The following MADD variants were observed in gnomAD, a reference collection of about 807,000 sequenced individuals.
MADD encodes MAP kinase-activating death domain protein.
MADD carries 109 observed loss-of-function variants against 176.7 expected under a neutral mutation model. That is an observed-to-expected ratio of 0.62 (90% CI 0.53 to 0.72). The LOEUF (loss-of-function observed/expected upper bound fraction) is 0.72. Among genes scored for constraint, MADD ranks in the 30% least tolerant of loss-of-function variants. The probability of loss-of-function intolerance (pLI) is 0.00; values close to 1 mark genes in which losing one functional copy is unlikely to be tolerated. For missense variants in MADD, 1,914 were observed against 2,045.5 expected (o/e 0.94, Z 1.24); for synonymous variants, 771 against 771.3 (o/e 1.00, Z 0.01).
intron 31 of MADD, 54 bp from the exon 36 acceptor site, chr11:47,328,604 C>T (rs1282318821): frequency 4.3e-6 from 7 of 1,612,518 alleles, no homozygotes; most frequent in Non-Finnish European, 5.9e-6. Context: ...GAGCATGGCA[C>T]GATTGCTCTT....
chr11:47,305,075 G>T (rs1049933684), intron 22 of MADD, among the ~76,000 whole-genome samples: 6 of 152,114 alleles, frequency 3.9e-5, no homozygotes, highest in African/African-American at 1.4e-4. Context: ...CAGTGGCAGT[G>T]GTGGTATATG....
At chr11:47,281,355 CTG>C (rs1159537205) in intron 7 of MADD, among the ~76,000 whole-genome samples, 1 of 152,190 alleles carries the variant, frequency 6.6e-6, no homozygotes, top group Non-Finnish European at 1.5e-5. Context: ...ATATTTCAAA[CTG>C]TTTTCTAAAG....
In MADD at chr11:47,325,157, T is replaced by G; in HGVS notation, c.4542+580T>G. 5.4e-6 allele frequency: 1 copy of G among 183,624 alleles called. No individual in the cohort carries two copies. The highest frequency in any genetic ancestry group is 1.1e-5 in the Non-Finnish European group (1 of 87,964). 11.4% of individuals were successfully genotyped at this position (183,624 alleles called of 1,614,324 possible). Reference sequence around the variant, plus strand: ...TCTGTCCCCTGCTCCACAGGCCCCATTCCCTTTCTTTTGATTGGGGAGCAC... The same window carrying G: ...TCTGTCCCCTGCTCCACAGGCCCCAGTCCCTTTCTTTTGATTGGGGAGCAC... On this transcript the variant is annotated intron_variant, in intron 30 of 32. Coordinates refer to ENST00000402192, the Ensembl canonical transcript of MADD. This position sits in a 1 kb window ranked among gnomAD's most constrained non-coding sequence, Gnocchi z 4.5.
chr11:47,295,292 G>A (rs575902362), intron 20 of MADD, among the ~76,000 whole-genome samples: 23 of 152,240 alleles, frequency 1.5e-4, no homozygotes, highest in African/African-American at 4.1e-4. Context: ...GACTACAGGC[G>A]TGAGCCACTG....
intron 32 of MADD, 22 bp from the exon 37 acceptor site, chr11:47,329,024 C>T (rs533851427): frequency 1.8e-5 from 29 of 1,571,256 alleles, no homozygotes; most frequent in African/African-American, 5.4e-5. Context: ...TATCGTGATC[C>T]GCCTGGTTTT....
chr11:47,315,615 C>T (rs2092587222), intron 27 of MADD, among the ~76,000 whole-genome samples: 1 of 151,712 alleles, frequency 6.6e-6, no homozygotes, highest in Non-Finnish European at 1.5e-5. Context: ...GCTGGGATTA[C>T]AGGCGCCAGC....
At chr11:47,329,076 C>G in exon 33 of MADD, 2 of 1,614,194 alleles carry the variant, frequency 1.2e-6, no homozygotes, top group Non-Finnish European at 1.7e-6. Context: ...CGTATTATGT[C>G]TCTTCTCGTA....
chr11:47,279,172 A>G, intron 7 of MADD, 93 bp downstream of exon 7: 2 of 1,217,562 alleles, frequency 1.6e-6, no homozygotes, highest in Middle Eastern at 1.9e-4. Context: ...TTCCTATCAA[A>G]CTTCAAGTGG....
In MADD at chr11:47,290,240, GT is replaced by G; in HGVS notation, c.3036del (p.Gly1013AlafsTer32). 1 of 1,614,140 alleles carries G rather than the reference GT, an allele frequency of 6.2e-7. No homozygotes were observed. The highest frequency in any genetic ancestry group is 8.5e-7 in the Non-Finnish European group (1 of 1,180,028). On this transcript the variant is annotated frameshift_variant, in exon 18 of 33. Coordinates refer to ENST00000402192, the Ensembl canonical transcript of MADD. LOFTEE classifies it high-confidence loss of function. ...CAGTCCTATGCCCACGCGGGTCTGGGTGGCATGGCCAGCATCTTTGGGCTTT... is the reference window on the plus strand; with the variant it reads ...CAGTCCTATGCCCACGCGGGTCTGGGGGCATGGCCAGCATCTTTGGGCTTT...
chr11:47,296,937 G>C (rs1336677739), intron 22 of MADD, among the ~76,000 whole-genome samples: 1 of 151,938 alleles, frequency 6.6e-6, no homozygotes, highest in Admixed American at 6.6e-5. Context: ...ACCATGCCTG[G>C]CTAATTTTTT....
chr11:47,328,541 TGA>T (rs1352365719), intron 31 of MADD, 115 bp from the exon 36 acceptor site: 4 of 1,547,620 alleles, frequency 2.6e-6, no homozygotes, highest in African/African-American at 1.4e-5. Context: ...GCAGCCACTG[TGA>T]GAGGCCACAG....
At chr11:47,290,509 T>G (rs537244103) in intron 18 of MADD, 101 bp from the exon 20 acceptor site, 1 of 1,329,804 alleles carries the variant, frequency 7.5e-7, no homozygotes, top group Non-Finnish European at 1.0e-6. Flanking sequence ...CTTGAACTTC[T>G]TCCATTCCGC....
chr11:47,324,957 A>C (rs1595558563), intron 30 of MADD: 1 of 586,820 alleles, frequency 1.7e-6, no homozygotes, highest in Middle Eastern at 4.5e-4. Context: ...GAGAGTCTAG[A>C]CTGGCCGATC....
chr11:47,293,748 T>TG (rs975753039), intron 19 of MADD, 135 bp from the exon 22 acceptor site: 3 of 618,552 alleles, frequency 4.9e-6, no homozygotes, highest in South Asian at 4.1e-5. Context: ...GGGTCCTGAG[T>TG]GGGGGGTAGT....
chr11:47,284,420 T>C, exon 12 of MADD: 1 of 1,613,758 alleles, frequency 6.2e-7, no homozygotes, highest in Non-Finnish European at 8.5e-7. Context: ...GCCAGCGAGG[T>C]GGAGATTGAC....
intron 10 of MADD, 101 bp downstream of exon 10, chr11:47,283,070 C>A: frequency 1.0e-6 from 1 of 956,124 alleles, no homozygotes; most frequent in South Asian, 3.2e-5. Context: ...CTTCCCATAT[C>A]AGTGTTTTTA....
intron 19 of MADD, among the ~76,000 whole-genome samples, chr11:47,293,009 C>T (rs1033780184): frequency 4.6e-5 from 7 of 152,154 alleles, no homozygotes; most frequent in Middle Eastern, 6.8e-3. Context: ...TGCCTAGGCA[C>T]GCTTTCTTGC....
At chr11:47,272,299 A>G (rs1233482754) in intron 1 of MADD, 1 of 152,254 alleles carries the variant, frequency 6.6e-6, no homozygotes, top group Non-Finnish European at 1.5e-5. Flanking sequence ...GAGCAAGGGA[A>G]AGGAGAAAGC....
intron 7 of MADD, among the ~76,000 whole-genome samples, chr11:47,279,530 C>T (rs768849995): frequency 4.0e-5 from 6 of 151,826 alleles, no homozygotes; most frequent in Admixed American, 6.6e-5. Context: ...AGGCGCACGC[C>T]GCCACACCCG....
Sources: allele counts gnomAD v4.1 joint callset (sites outside exome capture counted in the v4.1 genomes callset), GRCh38; gene constraint gnomAD v4.1.1; non-coding constraint Gnocchi (gnomAD v3.1); transcripts MANE v1.5; gene names NCBI Gene and HGNC (gene_info 2026-07-23, HGNC 2026-07-21).